Variants in SLC4A10 observed in about 807,000 individuals in gnomAD.
SLC4A10 encodes solute carrier family 4 member 10, also known as sodium-driven chloride bicarbonate exchanger.
Under a neutral mutation model 137.7 loss-of-function variants are expected in SLC4A10, and 42 were observed. That is an observed-to-expected ratio of 0.30 (90% CI 0.24 to 0.39). The LOEUF (loss-of-function observed/expected upper bound fraction) is 0.39. Ranked by LOEUF, SLC4A10 falls within the 10% of genes least tolerant of loss-of-function variation. The pLI, the probability that SLC4A10 is intolerant of heterozygous loss-of-function variation, is 1.00. For missense variants in SLC4A10, 925 were observed against 1,355.0 expected, an observed-to-expected ratio of 0.68 and a Z score of 4.98; for synonymous variants, 474 against 464.1, an observed-to-expected ratio of 1.02 and a Z score of -0.27.
At chr2:161,875,906 A>G (rs2061424203) in intron 8 of SLC4A10, among the ~76,000 whole-genome samples, 1 of 152,150 alleles carries the variant, frequency 6.6e-6, no homozygotes, top group Non-Finnish European at 1.5e-5. Flanking sequence ...ATCCCTATGA[A>G]GTTTCTTGTA....
intron 1 of SLC4A10, among the ~76,000 whole-genome samples, chr2:161,726,593 G>A (rs185447714): frequency 5.6e-4 from 86 of 152,264 alleles, no homozygotes; most frequent in African/African-American, 1.7e-3. Flanking sequence ...GACACAACCT[G>A]AAAAGGCACC....
At chr2:161,728,329 T>G (rs1574609555) in intron 1 of SLC4A10, among the ~76,000 whole-genome samples, 1 of 152,088 alleles carries the variant, frequency 6.6e-6, no homozygotes. Flanking sequence ...AATCCCAACA[T>G]TTTGGGAGCT....
intron 6 of SLC4A10, among the ~76,000 whole-genome samples, chr2:161,865,519 C>A (rs901755882): frequency 2.0e-5 from 3 of 151,836 alleles, no homozygotes; most frequent in Non-Finnish European, 1.5e-5. Context: ...ATTCATATAC[C>A]CAATTAAGTA....
chr2:161,901,227 C>T (rs1039888470), intron 12 of SLC4A10: 8 of 430,200 alleles, frequency 1.9e-5, no homozygotes, highest in Admixed American at 1.2e-4. Context: ...TATACTTTAC[C>T]TAGTCTTTCA....
rs549418629 is a variant in SLC4A10 at position 161,630,659 on chromosome 2, T to A, written c.48+6093T>A. Among the ~76,000 whole-genome samples, 4 of 151,852 alleles carry A rather than the reference T, an allele frequency of 2.6e-5. No individual in the cohort carries two copies. The East Asian group carries it at 7.7e-4, about 29-fold the overall frequency. On this transcript the variant is annotated intron_variant, in intron 1 of 26. Transcript: ENST00000446997. The stretch of plus-strand genomic sequence containing the variant: ...CTTTCCACTATTATATAGTCTCTAT[T>A]ACTAGCATAGCATCAACGGCTGAGT...
intron 16 of SLC4A10, 69 bp from the exon 17 acceptor site, chr2:161,947,497 G>A: frequency 1.3e-6 from 2 of 1,499,500 alleles, no homozygotes; most frequent in African/African-American, 2.8e-5. Context: ...ATCAGAAGGT[G>A]TTAGTTTTCT....
In SLC4A10 at chr2:161,904,049, C is replaced by G; in HGVS notation, c.1488C>G (p.Tyr496Ter). The change falls in exon 13 of 27, where the codon TAC (tyrosine) becomes TAG (stop). Residue 496 changes from tyrosine to a stop codon, truncating the protein, a stop_gained. Coordinates refer to ENST00000446997, the MANE Select transcript of SLC4A10 (RefSeq NM_001178015.2). LOFTEE classifies it high-confidence loss of function. ...LILDIKRKAP[Y>*]FWSDFRDAFS... Reference sequence around the variant, plus strand: ...TAGATATCAAAAGAAAAGCTCCATACTTCTGGAGTGACTTCAGAGATGCTT... The same window carrying G: ...TAGATATCAAAAGAAAAGCTCCATAGTTCTGGAGTGACTTCAGAGATGCTT... 6.3e-7 allele frequency: 1 copy of G among 1,596,954 alleles called. No homozygotes were observed.
rs762021266 is a variant in SLC4A10 at position 161,976,774 on chromosome 2, T to C, written c.3242T>C (p.Val1081Ala). The change falls in exon 25 of 27, where the codon GTG becomes GCG. Residue 1081 changes from valine to alanine, a missense_variant. This residue lies in a region of SLC4A10 where 84 missense variants were observed against 76.9 expected (regional missense o/e 1.09). Coordinates refer to ENST00000446997, the MANE Select transcript of SLC4A10 (RefSeq NM_001178015.2). ...CTCCTGTCTAGAGATGATCCATCTG[T>C]GATCAATATATCTGATGAAATGTCA... ...LEGHYRDDPS[V>A]INISDEMSKT... 1 of 1,582,454 alleles carries C rather than the reference T, an allele frequency of 6.3e-7. No individual in the cohort carries two copies.
At chr2:161,772,024 A>T (rs2051679378) in intron 2 of SLC4A10, among the ~76,000 whole-genome samples, 2 of 151,884 alleles carry the variant, frequency 1.3e-5, no homozygotes, top group Non-Finnish European at 2.9e-5. Context: ...CACAACACTG[A>T]CATAACAGGA....
At chr2:161,856,814 C>T (rs1336952061) in intron 5 of SLC4A10, among the ~76,000 whole-genome samples, 1 of 151,966 alleles carries the variant, frequency 6.6e-6, no homozygotes, top group African/African-American at 2.4e-5. Context: ...TTATTGTTAT[C>T]CTTATTTAAT....
chr2:161,877,134 T>A (rs2061491559), intron 8 of SLC4A10, among the ~76,000 whole-genome samples: 1 of 152,118 alleles, frequency 6.6e-6, no homozygotes, highest in South Asian at 2.1e-4. Context: ...TTAATTAAAT[T>A]TCATCTTTAA....
chr2:161,786,430 G>A (rs2053629876), intron 2 of SLC4A10, among the ~76,000 whole-genome samples: 1 of 151,776 alleles, frequency 6.6e-6, no homozygotes, highest in South Asian at 2.1e-4. Context: ...ATATTGACAT[G>A]TGAAGTTTTG....
chr2:161,970,147 A>G (rs1035161261), intron 23 of SLC4A10, among the ~76,000 whole-genome samples: 1 of 152,204 alleles, frequency 6.6e-6, no homozygotes, highest in African/African-American at 2.4e-5. Flanking sequence ...AGAATAAAAT[A>G]TAGTCTTCTA....
chr2:161,701,567 T>C (rs2043121836), intron 1 of SLC4A10, among the ~76,000 whole-genome samples: 1 of 152,014 alleles, frequency 6.6e-6, no homozygotes, highest in Admixed American at 6.6e-5. Context: ...TTATCTTTTC[T>C]TTTGTTGGGA....
chr2:161,820,790 A>G (rs1177999722), intron 3 of SLC4A10, among the ~76,000 whole-genome samples: 2 of 152,182 alleles, frequency 1.3e-5, no homozygotes, highest in East Asian at 3.8e-4. Context: ...TGCATTTCTC[A>G]TACCGATGAA....
chr2:161,884,215 T>A (rs900695660), intron 10 of SLC4A10, among the ~76,000 whole-genome samples: 1 of 152,192 alleles, frequency 6.6e-6, no homozygotes, highest in African/African-American at 2.4e-5. Context: ...ATTTGTTTAA[T>A]ATTTTGTTAT....
At chr2:161,809,063 C>T (rs1381547049) in intron 3 of SLC4A10, among the ~76,000 whole-genome samples, 1 of 152,146 alleles carries the variant, frequency 6.6e-6, no homozygotes, top group African/African-American at 2.4e-5. Context: ...TCTCTGCAGC[C>T]TTGTCAGCAT....
At chr2:161,735,343 T>C (rs1036800086) in intron 1 of SLC4A10, among the ~76,000 whole-genome samples, 1 of 151,770 alleles carries the variant, frequency 6.6e-6, no homozygotes, top group Non-Finnish European at 1.5e-5. Flanking sequence ...TTTAGGTTTT[T>C]ATACCATTTA....
At chr2:161,980,245 C>A (rs961303026) in intron 26 of SLC4A10, among the ~76,000 whole-genome samples, 3 of 152,114 alleles carry the variant, frequency 2.0e-5, no homozygotes, top group African/African-American at 4.8e-5. Flanking sequence ...CTCTACCCCC[C>A]AACACCCACC....
Sources: allele counts gnomAD v4.1 joint callset (sites outside exome capture counted in the v4.1 genomes callset), GRCh38; gene constraint gnomAD v4.1.1; regional missense constraint gnomAD v4.1.1; transcripts MANE v1.5; gene names NCBI Gene and HGNC (gene_info 2026-07-23, HGNC 2026-07-21).